SEMA3D: variants seen among roughly 807,000 people sequenced by gnomAD.
SEMA3D encodes semaphorin 3D, also known as semaphorin-3D.
SEMA3D carries 84 observed loss-of-function variants against 100.1 expected under a neutral mutation model. The ratio of observed to expected loss-of-function variants is 0.84; its 90% CI spans 0.70 to 1.01. The LOEUF is 1.01. SEMA3D is among the 50% of genes least tolerant of loss of function. SEMA3D has a pLI of 0.00. For missense variants in SEMA3D, 875 were observed against 934.1 expected (o/e 0.94, Z 0.82); for synonymous variants, 312 against 320.7 (o/e 0.97, Z 0.29).
At chr7:85,246,554 T>C in the SEMA3D span, among the ~76,000 whole-genome samples, 11 of 152,046 alleles carry the variant, frequency 7.2e-5, no homozygotes, top group African/African-American at 2.6e-4. Context: ...ATTAGAGAAA[T>C]AAAAATTAAA....
intron 6 of SEMA3D, among the ~76,000 whole-genome samples, chr7:85,071,110 T>A (rs1456070686): frequency 6.6e-6 from 1 of 152,136 alleles, no homozygotes; most frequent in Non-Finnish European, 1.5e-5. Flanking sequence ...TTTGCCCCCC[T>A]CAGCAGGTTG....
At chr7:85,093,758 T>C (rs989051651) in intron 4 of SEMA3D, among the ~76,000 whole-genome samples, 2 of 152,032 alleles carry the variant, frequency 1.3e-5, no homozygotes, top group Admixed American at 6.6e-5. Context: ...GTATCAGACA[T>C]TGTGCAATGC....
the SEMA3D span, among the ~76,000 whole-genome samples, chr7:85,201,889 C>T: frequency 6.6e-6 from 1 of 151,556 alleles, no homozygotes; most frequent in African/African-American, 2.4e-5. Context: ...CCAGGAATAG[C>T]TAATATTTTT....
the SEMA3D span, among the ~76,000 whole-genome samples, chr7:85,196,390 G>A: frequency 6.6e-6 from 1 of 152,062 alleles, no homozygotes; most frequent in African/African-American, 2.4e-5. Context: ...ATCTTCATGA[G>A]CTTAGAGTAG....
Position 84,999,566 on chromosome 7 carries a change from G to A in SEMA3D, c.2208C>T (p.His736=), listed in dbSNP as rs534142866. The change falls in exon 19 of 19, where the codon CAC becomes CAT. Residue 736 remains histidine, a synonymous_variant. Coordinates refer to ENST00000284136, the MANE Select transcript of SEMA3D (RefSeq NM_001384900.1). The part of the protein sequence containing the change: ...SLDQYCEQMW[H]REKRRQRNKG... ...TGTTTCTCTGTCTCCGCTTCTCCCT[G>A]TGCCACATCTGTTCGCAGTACTGGT... The A allele has an allele frequency of 1.2e-6, 2 of 1,614,060 alleles. No homozygotes were observed. The highest frequency in any genetic ancestry group is 1.7e-6 in the Non-Finnish European group (2 of 1,180,016).
chr7:85,060,111 T>C (rs1016957196), intron 8 of SEMA3D, among the ~76,000 whole-genome samples: 1 of 152,244 alleles, frequency 6.6e-6, no homozygotes, highest in Non-Finnish European at 1.5e-5. Flanking sequence ...TCAGTCATTA[T>C]TGATTTTATT....
At chr7:85,197,579 G>A in the SEMA3D span, among the ~76,000 whole-genome samples, 2 of 151,380 alleles carry the variant, frequency 1.3e-5, no homozygotes, top group Admixed American at 1.3e-4. Flanking sequence ...AAACCAAGCT[G>A]CACCCCGACC....
chr7:85,060,254 T>G (rs1791435449), intron 8 of SEMA3D, among the ~76,000 whole-genome samples: 1 of 152,210 alleles, frequency 6.6e-6, no homozygotes, highest in South Asian at 2.1e-4. Context: ...TAGTGTCAAG[T>G]AGTGCTTTAT....
At chr7:85,018,843 C>A (rs1282917124) in intron 14 of SEMA3D, among the ~76,000 whole-genome samples, 1 of 151,576 alleles carries the variant, frequency 6.6e-6, no homozygotes, top group Non-Finnish European at 1.5e-5. Context: ...TGGCTCAATG[C>A]ATGCAAGATA....
At chr7:85,182,436 A>G (rs1399635079) in intron 1 of SEMA3D, among the ~76,000 whole-genome samples, 4 of 152,180 alleles carry the variant, frequency 2.6e-5, no homozygotes, top group Non-Finnish European at 4.4e-5. Flanking sequence ...ACTATTACCT[A>G]CTTAAACAAT....
intron 7 of SEMA3D, 128 bp downstream of exon 7, chr7:85,068,063 A>G (rs1583890309): frequency 1.6e-6 from 1 of 624,244 alleles, no homozygotes; most frequent in East Asian, 2.8e-5. Flanking sequence ...CACTAAAATA[A>G]TGGAAACAAA....
At chr7:85,191,181 A>C (rs1287949668), upstream of SEMA3D, among the ~76,000 whole-genome samples, 2 of 152,136 alleles carry the variant, frequency 1.3e-5, no homozygotes, top group African/African-American at 4.8e-5. Flanking sequence ...AGACTTCAGA[A>C]AAGAAAATCC....
intron 2 of SEMA3D, among the ~76,000 whole-genome samples, chr7:85,145,201 T>C (rs1790167443): frequency 6.6e-6 from 1 of 151,882 alleles, no homozygotes; most frequent in Non-Finnish European, 1.5e-5. Flanking sequence ...GCATAATACA[T>C]GTCACAAAAG....
At chr7:85,165,954 G>T (rs1790893115) in intron 1 of SEMA3D, among the ~76,000 whole-genome samples, 1 of 151,956 alleles carries the variant, frequency 6.6e-6, no homozygotes, top group Non-Finnish European at 1.5e-5. Flanking sequence ...TACCTTAAAA[G>T]GACATATATT....
At chr7:85,122,084 T>C (rs1039731314) in intron 2 of SEMA3D, 153 bp from the exon 3 acceptor site, 17 of 499,986 alleles carry the variant, frequency 3.4e-5, no homozygotes, top group African/African-American at 8.0e-5. Flanking sequence ...CCAGGGCCTG[T>C]TGGGGGCTGG....
At chr7:85,217,700 C>A in the SEMA3D span, among the ~76,000 whole-genome samples, 1 of 151,986 alleles carries the variant, frequency 6.6e-6, no homozygotes, top group Non-Finnish European at 1.5e-5. Context: ...TTATGAAAGG[C>A]CAATACTAAT....
chr7:85,231,657 A>G, the SEMA3D span, among the ~76,000 whole-genome samples: 44 of 152,064 alleles, frequency 2.9e-4, no homozygotes, highest in South Asian at 7.5e-3. Context: ...TCACTGTGTT[A>G]GCCAGGATGG....
At chr7:85,243,606 T>C in the SEMA3D span, among the ~76,000 whole-genome samples, 2 of 152,184 alleles carry the variant, frequency 1.3e-5, no homozygotes, top group African/African-American at 4.8e-5. Context: ...GCTTTTTACT[T>C]GTTGTTAAGA....
At chr7:85,024,183 C>T (rs879770224) in intron 12 of SEMA3D, among the ~76,000 whole-genome samples, 1 of 151,846 alleles carries the variant, frequency 6.6e-6, no homozygotes, top group African/African-American at 2.4e-5. Flanking sequence ...TCAAATGATA[C>T]AAAGCTCTTG....
Sources: allele counts gnomAD v4.1 joint callset (sites outside exome capture counted in the v4.1 genomes callset), GRCh38; gene constraint gnomAD v4.1.1; transcripts MANE v1.5; gene names NCBI Gene and HGNC (gene_info 2026-07-23, HGNC 2026-07-21).